Variants in MANBA observed in about 807,000 individuals in gnomAD.
MANBA encodes mannosidase beta.
MANBA carries 83 observed loss-of-function variants against 111.1 expected under a neutral mutation model. The ratio of observed to expected loss-of-function variants is 0.75; its 90% CI spans 0.63 to 0.90. MANBA has a LOEUF of 0.90. MANBA is among the 40% of genes least tolerant of loss of function. The pLI is 0.00. For missense variants in MANBA, 1,036 were observed against 1,069.0 expected, an observed-to-expected ratio of 0.97 and a Z score of 0.43; for synonymous variants, 370 against 378.7, an observed-to-expected ratio of 0.98 and a Z score of 0.27.
intron 5 of MANBA, among the ~76,000 whole-genome samples, chr4:102,707,393 T>C (rs1298349436): frequency 6.6e-6 from 1 of 152,174 alleles, no homozygotes; most frequent in Non-Finnish European, 1.5e-5. Context: ...GCTGAGGGAA[T>C]TCATCACCAC....
chr4:102,729,835 C>G lies in MANBA; in HGVS notation c.178-3152G>C, dbSNP rs563163584. The G allele has an allele frequency of 2.1e-4, 278 of 1,332,590 alleles. No individual in the cohort carries two copies. The African/African-American group carries it at 3.4e-3, about 16-fold the overall frequency. 82.5% of individuals were successfully genotyped at this position (1,332,590 alleles called of 1,614,324 possible). On this transcript the variant is annotated intron_variant, in intron 1 of 16. Transcript: ENST00000647097. Reference sequence around the variant, plus strand: ...GTCTCCAGCATCTTGTTCTACTGCTCCAGGAACCATACCTTGTCTATGAAG... The same window carrying G: ...GTCTCCAGCATCTTGTTCTACTGCTGCAGGAACCATACCTTGTCTATGAAG...
chr4:102,728,346 C>G, intron 1 of MANBA: 1 of 533,080 alleles, frequency 1.9e-6, no homozygotes, highest in Non-Finnish European at 3.8e-6. Context: ...ATTCTGTTCA[C>G]TCTCTGCAGG....
chr4:102,702,142 T>C (rs1212462134), intron 5 of MANBA, among the ~76,000 whole-genome samples: 2 of 151,972 alleles, frequency 1.3e-5, no homozygotes, highest in Non-Finnish European at 2.9e-5. Flanking sequence ...TTTCTTCCAG[T>C]TGATCGCATC....
At chr4:102,655,959 T>A (rs1443479042) in intron 12 of MANBA, among the ~76,000 whole-genome samples, 3 of 152,132 alleles carry the variant, frequency 2.0e-5, no homozygotes, top group Non-Finnish European at 4.4e-5. Flanking sequence ...ACAAATAATT[T>A]TAAAATGATC....
chr4:102,645,139 T>C (rs1323149895), intron 13 of MANBA, among the ~76,000 whole-genome samples: 1 of 152,088 alleles, frequency 6.6e-6, no homozygotes, highest in African/African-American at 2.4e-5. Context: ...TTTTCTTTCT[T>C]TACTAATATG....
At chr4:102,741,942 A>T (rs1176411034) in intron 1 of MANBA, among the ~76,000 whole-genome samples, 1 of 152,206 alleles carries the variant, frequency 6.6e-6, no homozygotes, top group Non-Finnish European at 1.5e-5. Context: ...CCAAACCTTC[A>T]TTCCTGAAGG....
chr4:102,730,289 G>A lies in MANBA; in HGVS notation c.178-3606C>T. 1.1e-5 allele frequency: 6 copies of A among 544,410 alleles called. 1 individual carries two copies. In the South Asian group the frequency reaches 1.5e-4, roughly 14 times the overall value. 33.7% of individuals were successfully genotyped at this position (544,410 alleles called of 1,614,324 possible). A position where few individuals can be genotyped will look rare whatever the true frequency, so the allele number is the denominator to read the frequency against. On this transcript the variant is annotated intron_variant, in intron 1 of 16. Coordinates refer to ENST00000647097, the MANE Select transcript of MANBA (RefSeq NM_005908.4). ...ACCACATATCGTCTCATGACCGGAG[G>A]AATTTACAAGAGGGTATAACTTAGA...
At chr4:102,692,224 A>G (rs1252546542) in intron 5 of MANBA, among the ~76,000 whole-genome samples, 1 of 152,180 alleles carries the variant, frequency 6.6e-6, no homozygotes, top group Non-Finnish European at 1.5e-5. Flanking sequence ...AAAGCCCCAG[A>G]AAATGCCACT....
chr4:102,720,260 C>A (rs535819943), intron 4 of MANBA, among the ~76,000 whole-genome samples: 15 of 152,164 alleles, frequency 9.9e-5, no homozygotes, highest in Non-Finnish European at 1.8e-4. Flanking sequence ...CATGGTGAAA[C>A]CCCATCTCTA....
intron 1 of MANBA, chr4:102,734,441 G>T (rs1286742836): frequency 6.2e-7 from 1 of 1,606,970 alleles, no homozygotes; most frequent in Admixed American, 1.7e-5. Flanking sequence ...GACTCTTCCT[G>T]GGAGCCATCT....
At chr4:102,737,145 G>T (rs1271468918) in intron 1 of MANBA, among the ~76,000 whole-genome samples, 1 of 152,178 alleles carries the variant, frequency 6.6e-6, no homozygotes, top group East Asian at 1.9e-4. Flanking sequence ...GAACTGGAGG[G>T]GAGTCACAGG....
intron 1 of MANBA, among the ~76,000 whole-genome samples, chr4:102,749,071 CT>C (rs142091815): frequency 6.6e-6 from 1 of 151,692 alleles, no homozygotes; most frequent in Non-Finnish European, 1.5e-5. Context: ...ATAGATGGGA[CT>C]TAAAAGATCC....
At chr4:102,712,488 CA>C (rs1309643864) in intron 5 of MANBA, among the ~76,000 whole-genome samples, 1 of 150,026 alleles carries the variant, frequency 6.7e-6, no homozygotes, top group Non-Finnish European at 1.5e-5. Flanking sequence ...GATTAAGCTT[CA>C]AAATAAATAA....
intron 11 of MANBA, among the ~76,000 whole-genome samples, chr4:102,659,969 C>T (rs1730850883): frequency 6.6e-6 from 1 of 152,102 alleles, no homozygotes; most frequent in African/African-American, 2.4e-5. Flanking sequence ...CCTTGTTCTA[C>T]ACCCTGTCCC....
At chr4:102,686,260 A>G (rs1254799469) in intron 7 of MANBA, among the ~76,000 whole-genome samples, 2 of 152,166 alleles carry the variant, frequency 1.3e-5, no homozygotes, top group Non-Finnish European at 2.9e-5. Flanking sequence ...TTCTCTGTCT[A>G]CACATACTGA....
intron 5 of MANBA, among the ~76,000 whole-genome samples, chr4:102,705,531 C>G (rs975569687): frequency 2.6e-5 from 4 of 152,142 alleles, no homozygotes; most frequent in African/African-American, 9.7e-5. Flanking sequence ...TCAAAACACC[C>G]TGTGGAAGGG....
chr4:102,686,872 C>T (rs1205412844), intron 7 of MANBA, among the ~76,000 whole-genome samples: 1 of 152,174 alleles, frequency 6.6e-6, no homozygotes, highest in East Asian at 1.9e-4. Context: ...ACCATGGCTA[C>T]AATTATCTAC....
In MANBA at chr4:102,657,720, C is replaced by T. The variant is rs1730631531; in HGVS notation, c.1666G>A (p.Gly556Arg). 3 of 1,613,646 alleles carry T rather than the reference C, an allele frequency of 1.9e-6. No homozygotes were observed. The highest frequency in any genetic ancestry group is 2.5e-6 in the Non-Finnish European group (3 of 1,179,582). ...FPKARFASEY[G>R]YQSWPSFSTL... is the part of the protein sequence containing the mutation. ...CTGAAGGACGGCCAGGACTGATATC[C>T]ATATTCAGATGCAAATCGAGCTTTT... The change falls in exon 12 of 17, where the codon GGA becomes AGA. Residue 556 changes from glycine (G) to arginine (R), a missense_variant. Transcript: ENST00000647097.
chr4:102,654,130 G>A (rs1165266568), intron 12 of MANBA, among the ~76,000 whole-genome samples: 4 of 151,582 alleles, frequency 2.6e-5, no homozygotes, highest in East Asian at 2.0e-4. Flanking sequence ...GATTATTGTC[G>A]AATTAAAGAA....
Sources: gnomAD v4.1 joint callset for allele counts (sites outside exome capture counted in the v4.1 genomes callset) on GRCh38, gnomAD v4.1.1 for gene constraint, MANE v1.5 for transcripts, NCBI Gene and HGNC (gene_info 2026-07-23, HGNC 2026-07-21) for gene names.